The following MAP7D3 variants were observed in gnomAD, a reference collection of about 807,000 sequenced individuals.
The protein encoded by MAP7D3 is MAP7 domain containing 3.
MAP7D3 carries 45 observed loss-of-function variants against 62.2 expected under a neutral mutation model. The ratio of observed to expected loss-of-function variants is 0.72; its 90% CI spans 0.57 to 0.93. The LOEUF (loss-of-function observed/expected upper bound fraction) is 0.93. Among genes scored for constraint, MAP7D3 ranks in the 40% least tolerant of loss-of-function variants. The pLI is 0.00. For synonymous variants in MAP7D3, 288 were observed against 248.8 expected, an observed-to-expected ratio of 1.16 and a Z score of -1.48; for missense variants, 711 against 683.1, an observed-to-expected ratio of 1.04 and a Z score of -0.45.
chrX:136,216,344 G>T, downstream of MAP7D3, among the ~76,000 whole-genome samples: 1 of 43,822 alleles, frequency 2.3e-5, no homozygotes, highest in Non-Finnish European at 3.8e-5. Context: ...AGGCAACATA[G>T]CAAGACCCTA....
chrX:136,240,273 C>A, intron 6 of MAP7D3, 109 bp downstream of exon 6: 1 of 492,532 alleles, frequency 2.0e-6, no homozygotes, highest in Admixed American at 3.2e-5. Context: ...TGGGACTCTT[C>A]TGAAATAAAC....
At chrX:136,220,714 T>C (rs376188299) in intron 16 of MAP7D3, 51 bp downstream of exon 16, 472 of 973,215 alleles carry the variant, frequency 4.8e-4, no homozygotes, top group Non-Finnish European at 6.6e-4. Context: ...TCTAAGATTG[T>C]CAATCATAAT....
intron 16 of MAP7D3, among the ~76,000 whole-genome samples, chrX:136,220,088 C>T (rs993732166): frequency 1.8e-5 from 2 of 112,198 alleles, no homozygotes; most frequent in African/African-American, 3.2e-5. Context: ...GGCAATTGCC[C>T]ATGTAGCATT....
chrX:136,244,784 T>C lies in MAP7D3; in HGVS notation c.265A>G (p.Thr89Ala). Residue 89 changes from threonine (T) to alanine (A), a missense_variant, in exon 4 of 19, where the codon ACA becomes GCA. Thr to Ala is a moderately conservative substitution (Grantham distance 58). Transcript: ENST00000316077. Reference sequence around the variant, plus strand: ...TTTCTTTCTTTTTCAAGTAGTTGTGTTTCTTTATTGGCTGAAATATTCCAA... The same window carrying C: ...TTTCTTTCTTTTTCAAGTAGTTGTGCTTCTTTATTGGCTGAAATATTCCAA... The part of the protein sequence containing the change: ...KRRQQDANKE[T>A]QLLEKERKTK... 1.7e-6 allele frequency: 2 copies of C among 1,190,550 alleles called. No homozygotes were observed. Among genetic ancestry groups the C allele is most frequent in the South Asian group, 1.9e-5 (1 of 53,961 alleles).
chrX:136,224,981 G>A lies in MAP7D3; in HGVS notation c.2140-101C>T, dbSNP rs1297921015. 5 of 533,205 alleles carry A rather than the reference G, an allele frequency of 9.4e-6. No individual in the cohort carries two copies. The East Asian group carries it at 1.1e-4, about 12-fold the overall frequency. 43.9% of individuals were successfully genotyped at this position (533,205 alleles called of 1,213,427 possible). ...TCCCCATTTCACAGAGGTGCACAAT[G>A]GCAGTGATTGCTCCAAAACCACAAA... is the stretch of plus-strand genomic sequence containing the variant. On this transcript the variant is annotated intron_variant, in intron 13 of 18. Transcript: ENST00000316077.
At chrX:136,254,109 G>A (rs1026415016), upstream of MAP7D3, among the ~76,000 whole-genome samples, 7 of 108,616 alleles carry the variant, frequency 6.4e-5, no homozygotes, top group Non-Finnish European at 9.6e-5. Context: ...TTTTGAGATG[G>A]AGTCTCACTC....
At chrX:136,215,222 C>G (rs966451992), downstream of MAP7D3, among the ~76,000 whole-genome samples, 2 of 111,950 alleles carry the variant, frequency 1.8e-5, no homozygotes, top group African/African-American at 6.5e-5. Context: ...TGGTGCTGGT[C>G]TGTGACCTGT....
intron 16 of MAP7D3, 65 bp from the exon 17 acceptor site, chrX:136,219,736 G>A (rs769937914): frequency 4.1e-5 from 35 of 843,742 alleles, no homozygotes; most frequent in Non-Finnish European, 5.9e-5. Flanking sequence ...CCTAAAAGAA[G>A]CTTTGTCCTT....
chrX:136,216,714 A>G (rs1262918514), downstream of MAP7D3: 1 of 112,173 alleles, frequency 8.9e-6, no homozygotes, highest in Non-Finnish European at 1.9e-5. Flanking sequence ...TGTTCATTCA[A>G]TTTGCTGGCT....
upstream of MAP7D3, chrX:136,256,094 T>G (rs2074550140): frequency 1.3e-6 from 1 of 748,971 alleles, no homozygotes; most frequent in Admixed American, 8.8e-5. Context: ...ACCTGTTAGA[T>G]TCCTTGTCAT....
chrX:136,231,844 C>G lies in MAP7D3; in HGVS notation c.1113G>C (p.Lys371Asn). The G allele has an allele frequency of 8.3e-7, 1 of 1,211,660 alleles. No homozygotes were observed. The highest frequency in any genetic ancestry group is 1.1e-6 in the Non-Finnish European group (1 of 895,513). The change falls in exon 8 of 19, where the codon AAG (lysine) becomes AAC (asparagine). Residue 371 changes from lysine (K) to asparagine (N), a missense_variant. Coordinates refer to ENST00000316077, the MANE Select transcript of MAP7D3 (RefSeq NM_024597.4). ...SPELSIEALP[K>N]VDLETVPKVS... ...CCTTGGGAACTGTTTCCAGGTCCAC[C>G]TTCGGGAGTGCTTCTATGCTCAACT...
At chrX:136,227,895 T>G (rs772200976) in intron 11 of MAP7D3, among the ~76,000 whole-genome samples, 1 of 111,494 alleles carries the variant, frequency 9.0e-6, no homozygotes, top group Admixed American at 9.5e-5. Flanking sequence ...AAGTTAGAGG[T>G]TTTTTTTGTA....
At chrX:136,252,777 T>C (rs1477085077), upstream of MAP7D3, among the ~76,000 whole-genome samples, 5 of 106,759 alleles carry the variant, frequency 4.7e-5, no homozygotes, top group Non-Finnish European at 9.7e-5. Flanking sequence ...GGTCAATAAG[T>C]GTTTGCGATG....
chrX:136,253,283 T>G (rs1382294356), upstream of MAP7D3, among the ~76,000 whole-genome samples: 6 of 111,749 alleles, frequency 5.4e-5, no homozygotes, highest in African/African-American at 2.0e-4. Context: ...CAAACACAAG[T>G]TCAGCTTTCA....
At chrX:136,235,089 A>G (rs886285876) in intron 7 of MAP7D3, among the ~76,000 whole-genome samples, 1 of 112,058 alleles carries the variant, frequency 8.9e-6, no homozygotes, top group Non-Finnish European at 1.9e-5. Context: ...TTTCAAACAG[A>G]GCCATTCCCC....
At chrX:136,244,957 G>A (rs1156522015) in intron 3 of MAP7D3, among the ~76,000 whole-genome samples, 162 bp from the exon 4 acceptor site, 1 of 112,202 alleles carries the variant, frequency 8.9e-6, no homozygotes, top group Non-Finnish European at 1.9e-5. Flanking sequence ...AGTGAACAGA[G>A]GTAGCCACTG....
chrX:136,234,239 G>T (rs946099226), intron 7 of MAP7D3, among the ~76,000 whole-genome samples: 5 of 107,660 alleles, frequency 4.6e-5, no homozygotes, highest in African/African-American at 1.4e-4. Flanking sequence ...ATTACTGGGT[G>T]GGGGGGGTGG....
At chrX:136,220,388 C>T (rs1375148455) in intron 16 of MAP7D3, among the ~76,000 whole-genome samples, 1 of 112,765 alleles carries the variant, frequency 8.9e-6, no homozygotes, top group Non-Finnish European at 1.9e-5. Flanking sequence ...ATATAAAATG[C>T]CTGGTATATA....
upstream of MAP7D3, among the ~76,000 whole-genome samples, chrX:136,252,676 CAAAAAAAA>C (rs770751343): frequency 2.8e-5 from 1 of 36,055 alleles, no homozygotes; most frequent in African/African-American, 1.3e-4. Context: ...GACTCTGTCT[CAAAAAAAA>C]AAAAAAAAAA....
Sources: allele counts gnomAD v4.1 joint callset (sites outside exome capture counted in the v4.1 genomes callset), GRCh38; gene constraint gnomAD v4.1.1; transcripts MANE v1.5; gene names NCBI Gene and HGNC (gene_info 2026-07-23, HGNC 2026-07-21).